DNAJC16: variants seen among roughly 807,000 people sequenced by gnomAD.
The protein encoded by DNAJC16 is DnaJ heat shock protein family (Hsp40) member C16.
A neutral mutation model predicts 92.7 loss-of-function variants in DNAJC16; 76 were observed. That is an observed-to-expected ratio of 0.82 (90% CI 0.68 to 0.99). The LOEUF (loss-of-function observed/expected upper bound fraction) is 0.99, where lower values mean the gene tolerates loss of function less well. Ranked by LOEUF, DNAJC16 falls within the 50% of genes least tolerant of loss-of-function variation. The probability of loss-of-function intolerance (pLI) is 0.00; values close to 1 mark genes in which losing one functional copy is unlikely to be tolerated. For synonymous variants in DNAJC16, 328 were observed against 358.7 expected, an observed-to-expected ratio of 0.91 and a Z score of 0.97; for missense variants, 869 against 942.4, an observed-to-expected ratio of 0.92 and a Z score of 1.02.
chr1:15,538,676 C>T (rs1710852850), intron 4 of DNAJC16, among the ~76,000 whole-genome samples: 1 of 152,078 alleles, frequency 6.6e-6, no homozygotes, highest in Non-Finnish European at 1.5e-5. Context: ...GAGATCACAC[C>T]ATTGCATTCC....
At chr1:15,533,510 C>G (rs971046103) in intron 2 of DNAJC16, among the ~76,000 whole-genome samples, 1 of 152,142 alleles carries the variant, frequency 6.6e-6, no homozygotes, top group South Asian at 2.1e-4. Flanking sequence ...GGCCTGTAAT[C>G]CCAGCTACTC....
At position 15,567,774 on chromosome 1, in the gene DNAJC16, A is replaced by G; in HGVS notation, c.1950-4A>G. The stretch of plus-strand genomic sequence containing the variant: ...CTGAGTCCTCAATTCTCTTCTTCCT[A>G]CAGGAGCAGCTGCCTACACTTCTCC... On this transcript the variant is annotated splice_polypyrimidine_tract_variant and splice_region_variant and intron_variant, in intron 14 of 14. Transcript: ENST00000375847. 6.2e-7 allele frequency: 1 copy of G among 1,610,748 alleles called. No homozygotes were observed. Among genetic ancestry groups the G allele is most frequent in the Non-Finnish European group, 8.5e-7 (1 of 1,178,192 alleles).
At chr1:15,559,323 A>T (rs890056284) in intron 7 of DNAJC16, among the ~76,000 whole-genome samples, 1 of 152,200 alleles carries the variant, frequency 6.6e-6, no homozygotes, top group Admixed American at 6.5e-5. Context: ...CTTTGACCCG[A>T]AATAGCTGCA....
chr1:15,562,402 G>T (rs1054877621), intron 9 of DNAJC16, 77 bp downstream of exon 9: 6 of 1,413,436 alleles, frequency 4.2e-6, no homozygotes, highest in Non-Finnish European at 5.7e-6. Context: ...TCTTCCTTGA[G>T]AGTGTTGAAT....
rs1047023412 is a variant in DNAJC16, at chr1:15,567,703, A to C, written c.1950-75A>C. ...GCGTTTTCCTATTATTTTAAGTCTC[A>C]CTGGGGTATTTATTTTCTCAGCAAT... On this transcript the variant is annotated intron_variant, in intron 14 of 14. Coordinates refer to ENST00000375847, the MANE Select transcript of DNAJC16 (RefSeq NM_015291.4). The C allele has an allele frequency of 2.8e-6, 4 of 1,450,816 alleles. No individual in the cohort carries two copies. The African/African-American group carries it at 5.7e-5, about 21-fold the overall frequency. The allele number at this position is 1,450,816 out of a possible 1,614,324, so 89.9% of individuals were successfully genotyped here.
intron 7 of DNAJC16, among the ~76,000 whole-genome samples, chr1:15,558,193 T>TA (rs200453368): frequency 5.3e-5 from 6 of 112,792 alleles, no homozygotes; most frequent in Non-Finnish European, 8.7e-5. Context: ...TTTTTTTTTT[T>TA]TTCTTGAGAC....
intron 7 of DNAJC16, among the ~76,000 whole-genome samples, chr1:15,548,880 C>T (rs933695100): frequency 6.6e-6 from 1 of 152,032 alleles, no homozygotes; most frequent in East Asian, 1.9e-4. Flanking sequence ...AGTTAAAAAA[C>T]TGGGGGAATA....
At chr1:15,564,845 T>A (rs1557588961) in intron 11 of DNAJC16, among the ~76,000 whole-genome samples, 1 of 145,470 alleles carries the variant, frequency 6.9e-6, no homozygotes, top group Non-Finnish European at 1.5e-5. Context: ...TATTTTTTAT[T>A]TTTTTTTGAG....
In DNAJC16 at chr1:15,529,268, G is replaced by A; in HGVS notation, c.163G>A (p.Glu55Lys). Reference sequence around the variant, plus strand: ...AAAGGCTTATAAGAAGCTCGCCCGGGAATGGTAGGTGAAACAAAGAAATAG... The same window carrying A: ...AAAGGCTTATAAGAAGCTCGCCCGGAAATGGTAGGTGAAACAAAGAAATAG... ...IKKAYKKLAR[E>K]WHPDKNKDPG... The change falls in exon 2 of 15, where the codon GAA (glutamate) becomes AAA (lysine). Residue 55 changes from glutamate to lysine, a missense_variant. Glu to Lys is a moderately conservative substitution (Grantham distance 56). Coordinates refer to ENST00000375847, the MANE Select transcript of DNAJC16 (RefSeq NM_015291.4). 1 of 1,606,858 alleles carries A rather than the reference G, an allele frequency of 6.2e-7. No homozygotes were observed. Among genetic ancestry groups the A allele is most frequent in the Non-Finnish European group, 8.5e-7 (1 of 1,174,612 alleles).
In DNAJC16 at chr1:15,562,269, C is replaced by T. The variant is rs755089801; in HGVS notation, c.1282C>T (p.Gln428Ter). Residue 428 changes from glutamine to a stop codon, truncating the protein, a stop_gained, in exon 9 of 15, where the codon CAG (glutamine) becomes TAG (stop). Transcript: ENST00000375847. LOFTEE classifies it high-confidence loss of function. Reference protein sequence around the residue: ...RFVHVYSNRQQEFADTLLPDS... With the variant: ...RFVHVYSNRQ ...TGTGCATGTCTACAGCAATCGGCAG[C>T]AGGAGTTTGCCGACACCTTACTACC... 2 of 1,614,092 alleles carry T rather than the reference C, an allele frequency of 1.2e-6. No homozygotes were observed. The highest frequency in any genetic ancestry group is 1.7e-6 in the Non-Finnish European group (2 of 1,179,954).
Position 15,567,997 on chromosome 1 carries a change from A to G in DNAJC16, c.2169A>G (p.Ile723Met), listed in dbSNP as rs778529647. Residue 723 changes from isoleucine to methionine, a missense_variant, in exon 15 of 15, where the codon ATA becomes ATG. Ile to Met is a conservative substitution (Grantham distance 10). Coordinates refer to ENST00000375847, the MANE Select transcript of DNAJC16 (RefSeq NM_015291.4). ...AGACAGTCGAAGAGGAGGAAGCCAT[A>G]GGGTCGTGCAGTGATGTTGACTCTT... Reference protein sequence around the residue: ...PQKTVEEEEAIGSCSDVDSSL... With the variant: ...PQKTVEEEEAMGSCSDVDSSL... The G allele has an allele frequency of 9.3e-6, 15 of 1,614,136 alleles. No homozygotes were observed. Among genetic ancestry groups the G allele is most frequent in the Middle Eastern group, 3.3e-4 (2 of 6,084 alleles).
intron 7 of DNAJC16, among the ~76,000 whole-genome samples, chr1:15,557,949 G>A (rs894904531): frequency 5.3e-5 from 8 of 150,938 alleles, no homozygotes; most frequent in South Asian, 2.1e-4. Context: ...TTTCACTCCC[G>A]TTGCCCAGGC....
At chr1:15,567,670 A>G (rs1366742581) in intron 14 of DNAJC16, 108 bp from the exon 15 acceptor site, 22 of 1,257,850 alleles carry the variant, frequency 1.7e-5, no homozygotes, top group Non-Finnish European at 2.3e-5. Flanking sequence ...GGCCCCATCC[A>G]ACACAAAGCG....
rs189649465 is a variant in DNAJC16, at chr1:15,546,732, A to C, written c.760-35A>C. On this transcript the variant is annotated intron_variant, in intron 5 of 14. Transcript: ENST00000375847. ...GAGTATAATACAATTGTTAAGAATT[A>C]AATATTGAGACTAACATTCTATTTT... 2.2e-4 allele frequency: 337 copies of C among 1,500,464 alleles called. 2 individuals carry two copies. The highest frequency in any genetic ancestry group is 2.6e-4 in the Non-Finnish European group (284 of 1,080,954). 92.9% of individuals were successfully genotyped at this position (1,500,464 alleles called of 1,614,324 possible). A position where few individuals can be genotyped will look rare whatever the true frequency, so the allele number is the denominator to read the frequency against.
chr1:15,558,634 GTT>G (rs1237918745), intron 7 of DNAJC16, among the ~76,000 whole-genome samples: 1 of 152,052 alleles, frequency 6.6e-6, no homozygotes, highest in Non-Finnish European at 1.5e-5. Context: ...ACCTGGCCGT[GTT>G]TCTTAATTTC....
chr1:15,568,530 C>T lies in DNAJC16; in HGVS notation c.*353C>T, dbSNP rs570258419. 2.7e-4 allele frequency: 116 copies of T among 428,692 alleles called. No homozygotes were observed. Among genetic ancestry groups the T allele is most frequent in the African/African-American group, 2.2e-3 (111 of 49,514 alleles). 26.6% of individuals were successfully genotyped at this position (428,692 alleles called of 1,614,324 possible). On this transcript the variant is annotated 3_prime_UTR_variant, in exon 15 of 15. Coordinates refer to ENST00000375847, the MANE Select transcript of DNAJC16 (RefSeq NM_015291.4). Reference sequence around the variant, plus strand: ...GAAGCACAGGGCTCCACCCTGCAAGCGGCATCTGGCGGACCCTCATGAGCC... The same window carrying T: ...GAAGCACAGGGCTCCACCCTGCAAGTGGCATCTGGCGGACCCTCATGAGCC...
In DNAJC16 at chr1:15,536,747, T is replaced by C. The variant is rs139382825; in HGVS notation, c.507T>C (p.Asp169=). The C allele has an allele frequency of 2.5e-6, 4 of 1,614,064 alleles. No individual in the cohort carries two copies. The highest frequency in any genetic ancestry group is 3.4e-6 in the Non-Finnish European group (4 of 1,180,036). Residue 169 remains aspartate, a synonymous_variant, in exon 4 of 15, where the codon GAT becomes GAC. Coordinates refer to ENST00000375847, the MANE Select transcript of DNAJC16 (RefSeq NM_015291.4). ...KKPYLIKITS[D]WCFSCIHIEP... is the part of the protein sequence containing the mutation. ...CCTACCTCATCAAGATCACCTCCGA[T>C]TGGTGCTTTAGCTGCATTCATATCG... is the stretch of plus-strand genomic sequence containing the variant.
rs200426191 is a variant in DNAJC16, at chr1:15,568,002, C to G, written c.2174C>G (p.Ser725Trp). 1 of 1,614,216 alleles carries G rather than the reference C, an allele frequency of 6.2e-7. No homozygotes were observed. The highest frequency in any genetic ancestry group is 1.1e-5 in the South Asian group (1 of 91,076). Residue 725 changes from serine to tryptophan, a missense_variant, in exon 15 of 15, where the codon TCG becomes TGG. Transcript: ENST00000375847. ...KTVEEEEAIG[S>W]CSDVDSSLYL... ...GTCGAAGAGGAGGAAGCCATAGGGT[C>G]GTGCAGTGATGTTGACTCTTCCCTC...
At position 15,564,009 on chromosome 1, in the gene DNAJC16, T is replaced by C. The variant is rs1408575311; in HGVS notation, c.1419T>C (p.Ser473=). The part of the protein sequence containing the change: ...TLEDPWIGSE[S]DKFILLGYLD... ...AAGACCCTTGGATTGGGAGTGAGAG[T>C]GACAAATTTATCCTCTTGGGCTATC... Residue 473 remains serine (S), a synonymous_variant, in exon 10 of 15, where the codon AGT becomes AGC. Transcript: ENST00000375847. 6.2e-7 allele frequency: 1 copy of C among 1,613,902 alleles called. No homozygotes were observed. The highest frequency in any genetic ancestry group is 2.2e-5 in the East Asian group (1 of 44,868).
Sources: allele counts gnomAD v4.1 joint callset (sites outside exome capture counted in the v4.1 genomes callset), GRCh38; gene constraint gnomAD v4.1.1; transcripts MANE v1.5; gene names NCBI Gene and HGNC (gene_info 2026-07-23, HGNC 2026-07-21).